Variants in PRKN observed in about 807,000 individuals in gnomAD.
The protein encoded by PRKN is E3 ubiquitin-protein ligase parkin.
In PRKN, 56 loss-of-function variants were observed where a neutral mutation model predicts 59.5. The ratio of observed to expected loss-of-function variants is 0.94; its 90% confidence interval spans 0.76 to 1.18. PRKN has a LOEUF of 1.18. Among genes scored for constraint, PRKN ranks in the 50% most tolerant of loss-of-function variants. The pLI, the probability that PRKN is intolerant of heterozygous loss-of-function variation, is 0.00. For missense variants in PRKN, 657 were observed against 596.4 expected (o/e 1.10, Z -1.06); for synonymous variants, 250 against 222.1 (o/e 1.13, Z -1.12).
chr6:162,691,823 G>A (rs1777784827), intron 1 of PRKN, among the ~76,000 whole-genome samples: 1 of 152,166 alleles, frequency 6.6e-6, no homozygotes, highest in South Asian at 2.1e-4. Flanking sequence ...AAAGGGAAAG[G>A]AAGACATCTC....
At chr6:162,487,194 C>T (rs547189784) in intron 1 of PRKN, among the ~76,000 whole-genome samples, 4 of 152,302 alleles carry the variant, frequency 2.6e-5, no homozygotes, top group African/African-American at 9.6e-5. Flanking sequence ...TCCTTGACCA[C>T]CCAGTGTCTA....
chr6:161,635,696 C>T (rs1783488169), intron 7 of PRKN, among the ~76,000 whole-genome samples: 1 of 152,148 alleles, frequency 6.6e-6, no homozygotes, highest in South Asian at 2.1e-4. Flanking sequence ...AGGAGGTTGA[C>T]AGCTGCAGAG....
chr6:161,604,187 A>G (rs1782197199), intron 7 of PRKN, among the ~76,000 whole-genome samples: 1 of 140,388 alleles, frequency 7.1e-6, no homozygotes. Flanking sequence ...ATAGAGATCA[A>G]TGCTTTTCTT....
At chr6:162,608,817 CAT>C (rs567628204) in intron 1 of PRKN, among the ~76,000 whole-genome samples, 53 of 152,156 alleles carry the variant, frequency 3.5e-4, no homozygotes, top group African/African-American at 6.7e-4. Flanking sequence ...TCATGCAAAA[CAT>C]GTGTGGGTGG....
At chr6:162,228,838 C>G (rs1051079233) in intron 3 of PRKN, among the ~76,000 whole-genome samples, 4 of 152,088 alleles carry the variant, frequency 2.6e-5, no homozygotes, top group African/African-American at 9.7e-5. Flanking sequence ...TTTCAAAATC[C>G]TTCCAGATAT....
At chr6:162,210,347 G>A (rs1785154310) in intron 3 of PRKN, among the ~76,000 whole-genome samples, 2 of 152,060 alleles carry the variant, frequency 1.3e-5, no homozygotes. Flanking sequence ...TTAGAACAAT[G>A]TCTGCTATAC....
rs974912747 is a variant in PRKN at position 161,550,404 on chromosome 6, C to T, written c.934-1401G>A. ...AAGACATCCACCTGGCTGCTATGTT[C>T]GGAATACCCTCTGGAGGGCCAGGGT... On this transcript the variant is annotated intron_variant, in intron 8 of 11. Coordinates refer to ENST00000366898, the MANE Select transcript of PRKN (RefSeq NM_004562.3). This position sits in a 1 kb window ranked among gnomAD's most constrained non-coding sequence, Gnocchi z 4.0. Among the ~76,000 whole-genome samples the T allele has an allele frequency of 3.3e-5, 5 of 152,126 alleles. No individual in the cohort carries two copies. Among genetic ancestry groups the T allele is most frequent in the Non-Finnish European group, 7.3e-5 (5 of 68,042 alleles).
chr6:162,569,591 C>T (rs1335247644), intron 1 of PRKN: 11 of 717,040 alleles, frequency 1.5e-5, no homozygotes, highest in Non-Finnish European at 5.2e-6. Flanking sequence ...CAGCTATGGC[C>T]TGGGCTCCAG....
rs1343497437 is a variant in PRKN, at chr6:161,584,470, A to C, written c.872-15054T>G. On this transcript the variant is annotated intron_variant, in intron 7 of 11. Coordinates refer to ENST00000366898, the MANE Select transcript of PRKN (RefSeq NM_004562.3). This position sits in a 1 kb window ranked among gnomAD's most constrained non-coding sequence, Gnocchi z 4.8. ...TAATAGTTCTTCTATTATAATCTTC[A>C]TGTGCCAAATTGGGGGAAAAAACCT... is the stretch of plus-strand genomic sequence containing the variant. 6.6e-6 allele frequency among the ~76,000 whole-genome samples: 1 copy of C among 152,222 alleles called. No homozygotes were observed. Among genetic ancestry groups the C allele is most frequent in the East Asian group, 1.9e-4 (1 of 5,196 alleles).
At chr6:162,418,487 G>T (rs1196079364) in intron 2 of PRKN, among the ~76,000 whole-genome samples, 1 of 152,090 alleles carries the variant, frequency 6.6e-6, no homozygotes, top group Non-Finnish European at 1.5e-5. Context: ...GAAGTGCATA[G>T]CATGTGGACT....
chr6:161,777,139 A>C (rs2128204544), intron 7 of PRKN, among the ~76,000 whole-genome samples: 1 of 152,338 alleles, frequency 6.6e-6, no homozygotes, highest in Non-Finnish European at 1.5e-5. Context: ...GAAGAATAAC[A>C]ACATCCATCC....
intron 4 of PRKN, among the ~76,000 whole-genome samples, chr6:162,089,614 T>C (rs190311370): frequency 2.1e-4 from 32 of 152,290 alleles, no homozygotes; most frequent in East Asian, 3.9e-4. Flanking sequence ...ATTTTTCTAA[T>C]AGCAAGGAAG....
intron 7 of PRKN, among the ~76,000 whole-genome samples, chr6:161,728,719 G>C (rs928932360): frequency 1.3e-5 from 2 of 152,136 alleles, no homozygotes; most frequent in Admixed American, 1.3e-4. Flanking sequence ...GGGGTGAGGG[G>C]CATTTTGCTC....
chr6:161,600,379 G>A lies in PRKN; in HGVS notation c.872-30963C>T, dbSNP rs190733051. On this transcript the variant is annotated intron_variant, in intron 7 of 11. Transcript: ENST00000366898. ...CTCCTGTTCAAATCCATGCTTGCCT[G>A]GGATCACACTGAGTCAGTGATTCTG... is the stretch of plus-strand genomic sequence containing the variant. 1.9e-3 allele frequency among the ~76,000 whole-genome samples: 292 copies of A among 152,192 alleles called. 3 individuals carry two copies. Among genetic ancestry groups the A allele is most frequent in the African/African-American group, 6.6e-3 (274 of 41,544 alleles).
intron 2 of PRKN, among the ~76,000 whole-genome samples, chr6:162,398,459 C>T (rs1236604648): frequency 3.3e-5 from 5 of 151,848 alleles, no homozygotes; most frequent in Admixed American, 1.3e-4. Flanking sequence ...GGCACAATCT[C>T]GGCTCACTGA....
chr6:161,982,230 G>A lies in PRKN; in HGVS notation c.619-8813C>T, dbSNP rs117854189. ...TCCTGAAAAGTAAAATAAAAGGTTT[G>A]CCCACTGCTCAAGGAAATAAAAGAG... On this transcript the variant is annotated intron_variant, in intron 5 of 11. Transcript: ENST00000366898. Among the ~76,000 whole-genome samples, 104 of 149,872 alleles carry A rather than the reference G, an allele frequency of 6.9e-4. 1 individual carries two copies. The East Asian group carries it at 0.014, about 20-fold the overall frequency.
chr6:162,004,165 C>T (rs1300456250), intron 5 of PRKN, among the ~76,000 whole-genome samples: 3 of 152,152 alleles, frequency 2.0e-5, no homozygotes, highest in African/African-American at 7.2e-5. Context: ...TCATGAATGA[C>T]TTAGCACTAT....
intron 4 of PRKN, among the ~76,000 whole-genome samples, chr6:162,196,151 C>A (rs566427647): frequency 6.6e-6 from 1 of 152,244 alleles, no homozygotes; most frequent in African/African-American, 2.4e-5. Context: ...CAGCCATGAT[C>A]AGAAAGAGTA....
intron 1 of PRKN, among the ~76,000 whole-genome samples, chr6:162,626,732 T>C (rs1652467539): frequency 6.6e-6 from 1 of 151,120 alleles, no homozygotes; most frequent in Non-Finnish European, 1.5e-5. Flanking sequence ...GAGAATTGCT[T>C]GAAAGCGGGA....
Sources: allele counts gnomAD v4.1 joint callset (sites outside exome capture counted in the v4.1 genomes callset), GRCh38; gene constraint gnomAD v4.1.1; non-coding constraint Gnocchi (gnomAD v3.1); transcripts MANE v1.5; gene names NCBI Gene and HGNC (gene_info 2026-07-23, HGNC 2026-07-21).